TCF20: variants seen among roughly 807,000 people sequenced by gnomAD.
TCF20 encodes transcription factor 20.
A neutral mutation model predicts 148.6 loss-of-function variants in TCF20; 3 were observed. The observed-to-expected ratio is 0.02, with a 90% CI of 0.01 to 0.05. The LOEUF is 0.05. Among genes scored for constraint, TCF20 ranks in the 10% least tolerant of loss-of-function variants. The probability of loss-of-function intolerance (pLI) is 1.00; values close to 1 mark genes in which losing one functional copy is unlikely to be tolerated. For missense variants in TCF20, 2,350 were observed against 2,429.3 expected, an observed-to-expected ratio of 0.97 and a Z score of 0.69; for synonymous variants, 1,049 against 909.5, an observed-to-expected ratio of 1.15 and a Z score of -2.76.
At chr22:42,254,136 T>TGG (rs535060553) in intron 1 of TCF20, among the ~76,000 whole-genome samples, 13 of 150,978 alleles carry the variant, frequency 8.6e-5, no homozygotes, top group African/African-American at 2.9e-4. Context: ...CTTTGAGAGC[T>TGG]GGCAGCGAAA....
rs762158021 is a variant in TCF20, at chr22:42,210,728, C to T, written c.4578G>A (p.Glu1526=). 2 of 1,614,218 alleles carry T rather than the reference C, an allele frequency of 1.2e-6. No individual in the cohort carries two copies. The highest frequency in any genetic ancestry group is 1.1e-5 in the South Asian group (1 of 91,078). The change falls in exon 2 of 6, where the codon GAG becomes GAA. Residue 1526 remains glutamate (E), a synonymous_variant. Coordinates refer to ENST00000677622, the MANE Select transcript of TCF20 (RefSeq NM_001378418.1). This position sits in a 1 kb window ranked among gnomAD's most constrained non-coding sequence, Gnocchi z 4.7. The part of the protein sequence containing the change: ...NDTVTISPKQ[E]GFPPKGYFPS... ...GGAAATATCCCTTTGGAGGGAAACC[C>T]TCTTGCTTCGGTGAAATCGTCACTG...
chr22:42,210,031 C>T lies in TCF20; in HGVS notation c.5275G>A (p.Gly1759Ser). The change falls in exon 2 of 6, where the codon GGC (glycine) becomes AGC (serine). Residue 1759 changes from glycine to serine, a missense_variant. This residue lies in a region of TCF20 where 374 missense variants were observed against 398.3 expected (regional missense o/e 0.94). Transcript: ENST00000677622. The surrounding 1 kb of genome is among the most constrained non-coding windows in gnomAD (Gnocchi z 4.7). ...TCCTCCTCAGTGTCCGTCTTGGAGCCATTAGAAGCACTTTTGTGCCGTACC... is the reference window on the plus strand; with the variant it reads ...TCCTCCTCAGTGTCCGTCTTGGAGCTATTAGAAGCACTTTTGTGCCGTACC... The part of the protein sequence containing the change: ...VKVRHKSASN[G>S]SKTDTEEEEE... 3 of 1,612,888 alleles carry T rather than the reference C, an allele frequency of 1.9e-6. No homozygotes were observed. Among genetic ancestry groups the T allele is most frequent in the South Asian group, 1.1e-5 (1 of 91,074 alleles).
intron 1 of TCF20, among the ~76,000 whole-genome samples, chr22:42,261,474 A>C (rs1478471750): frequency 6.6e-6 from 1 of 151,276 alleles, no homozygotes; most frequent in Non-Finnish European, 1.5e-5. Flanking sequence ...CCTGACTCCT[A>C]CGTGTTTTGC....
intron 1 of TCF20, among the ~76,000 whole-genome samples, chr22:42,315,381 C>A (rs932222579): frequency 8.5e-5 from 13 of 152,184 alleles, no homozygotes; most frequent in South Asian, 2.1e-4. Context: ...AGAGGAAGGA[C>A]TCTCTGAAGG....
intron 1 of TCF20, among the ~76,000 whole-genome samples, chr22:42,256,855 T>A (rs943039829): frequency 1.1e-4 from 17 of 152,154 alleles, no homozygotes; most frequent in African/African-American, 2.4e-5. Context: ...AATTCTATTT[T>A]ATTGTTCTAA....
At chr22:42,253,073 A>G (rs1216790508) in intron 1 of TCF20, among the ~76,000 whole-genome samples, 1 of 152,224 alleles carries the variant, frequency 6.6e-6, no homozygotes, top group Admixed American at 6.5e-5. Flanking sequence ...GCCATAGGAA[A>G]AAAACAACAA....
intron 1 of TCF20, among the ~76,000 whole-genome samples, chr22:42,334,549 G>A (rs1319346286): frequency 6.6e-6 from 1 of 152,246 alleles, no homozygotes; most frequent in Non-Finnish European, 1.5e-5. Flanking sequence ...CAGGGAACAG[G>A]CTAGGCTGCA....
chr22:42,210,675 A>G lies in TCF20; in HGVS notation c.4631T>C (p.Ile1544Thr), dbSNP rs1920938925. ...TTTCTTTTGCTTATTCACACTACCA[A>G]TGGGTCTCCCCTTCTTCTTTCCTGA... Reference protein sequence around the residue: ...FPSGKKKGRPIGSVNKQKKQQ... With the variant: ...FPSGKKKGRPTGSVNKQKKQQ... The change falls in exon 2 of 6, where the codon ATT (isoleucine) becomes ACT (threonine). Residue 1544 changes from isoleucine (I) to threonine (T), a missense_variant. Coordinates refer to ENST00000677622, the MANE Select transcript of TCF20 (RefSeq NM_001378418.1). This position sits in a 1 kb window ranked among gnomAD's most constrained non-coding sequence, Gnocchi z 4.7. 1.2e-6 allele frequency: 2 copies of G among 1,613,982 alleles called. No homozygotes were observed. The highest frequency in any genetic ancestry group is 1.3e-5 in the African/African-American group (1 of 74,980).
chr22:42,232,279 C>A (rs765121975), intron 1 of TCF20, among the ~76,000 whole-genome samples: 1 of 152,092 alleles, frequency 6.6e-6, no homozygotes, highest in Non-Finnish European at 1.5e-5. Flanking sequence ...GATGGGCAGT[C>A]GGCTACACCC....
chr22:42,221,653 T>C (rs1031059585), intron 1 of TCF20, among the ~76,000 whole-genome samples: 26 of 151,428 alleles, frequency 1.7e-4, no homozygotes, highest in African/African-American at 6.1e-4. Context: ...TTGGATGAGA[T>C]ACTATGAAGA....
At chr22:42,192,221 T>C (rs141105664) in intron 2 of TCF20, among the ~76,000 whole-genome samples, 13 of 152,238 alleles carry the variant, frequency 8.5e-5, no homozygotes, top group Admixed American at 3.3e-4. Context: ...CATACTGAAA[T>C]GTTTACAGTT....
chr22:42,212,016 T>C lies in TCF20; in HGVS notation c.3290A>G (p.Tyr1097Cys), dbSNP rs759410932. 3.7e-6 allele frequency: 6 copies of C among 1,614,236 alleles called. No individual in the cohort carries two copies. Among genetic ancestry groups the C allele is most frequent in the East Asian group, 2.2e-5 (1 of 44,888 alleles). The change falls in exon 2 of 6, where the codon TAT becomes TGT. Residue 1097 changes from tyrosine to cysteine, a missense_variant. By Grantham distance (194) the Tyr-to-Cys change is radical (BLOSUM62 -2). Coordinates refer to ENST00000677622, the MANE Select transcript of TCF20 (RefSeq NM_001378418.1). ...AGCAGAACCGCTGCTCCAGTCTTTA[T>C]ACTCCTCTGGTTGCTGTTGGTACAT... ...RQMYQQQPEE[Y>C]KDWSSGSAQG...
At chr22:42,204,877 C>T (rs1414223876) in intron 2 of TCF20, among the ~76,000 whole-genome samples, 1 of 152,006 alleles carries the variant, frequency 6.6e-6, no homozygotes, top group Non-Finnish European at 1.5e-5. Context: ...AAAAATTAAC[C>T]TAAAACCAGT....
chr22:42,225,546 G>A (rs1023524101), intron 1 of TCF20, among the ~76,000 whole-genome samples: 13 of 150,304 alleles, frequency 8.6e-5, no homozygotes, highest in African/African-American at 2.9e-4. Flanking sequence ...CCCGGGAGGC[G>A]GAGCTTGCAG....
In TCF20 at chr22:42,212,787, G is replaced by A. The variant is rs140703466; in HGVS notation, c.2519C>T (p.Pro840Leu). 1 of 1,614,194 alleles carries A rather than the reference G, an allele frequency of 6.2e-7. No individual in the cohort carries two copies. The highest frequency in any genetic ancestry group is 8.5e-7 in the Non-Finnish European group (1 of 1,180,028). Reference protein sequence around the residue: ...EMKQINLTDYPIPRKFEIEPQ... With the variant: ...EMKQINLTDYLIPRKFEIEPQ... ...CTCTATTTCAAACTTTCTGGGAATT[G>A]GATAGTCAGTCAAATTGATCTGTTT... The change falls in exon 2 of 6, where the codon CCA becomes CTA. Residue 840 changes from proline to leucine, a missense_variant. By Grantham distance (98) the Pro-to-Leu change is moderately conservative. Around this residue, in one of 7 missense-constraint regions of TCF20, gnomAD observed 1,641 missense variants for 1,662.6 expected, o/e 0.99. Transcript: ENST00000677622.
At chr22:42,240,771 G>T (rs545223531) in intron 1 of TCF20, among the ~76,000 whole-genome samples, 1 of 152,222 alleles carries the variant, frequency 6.6e-6, no homozygotes, top group South Asian at 2.1e-4. Context: ...CATCCTAGGA[G>T]TAAGACTGAA....
At chr22:42,302,794 T>C (rs4822104) in intron 1 of TCF20, among the ~76,000 whole-genome samples, 100,508 of 152,090 alleles carry the variant, frequency 0.66, 33,858 homozygotes, top group African/African-American at 0.79. Context: ...ACAATTTCTT[T>C]ACCCAAATGT....
intron 5 of TCF20, among the ~76,000 whole-genome samples, chr22:42,161,727 T>C (rs1000032199): frequency 1.3e-5 from 2 of 152,332 alleles, no homozygotes; most frequent in Admixed American, 6.5e-5. Flanking sequence ...AGGACCCCAG[T>C]TGTGACTGAA....
At chr22:42,333,378 G>T (rs1052746441) in intron 1 of TCF20, among the ~76,000 whole-genome samples, 8 of 151,948 alleles carry the variant, frequency 5.3e-5, no homozygotes, top group Non-Finnish European at 1.2e-4. Context: ...GGTGCACCAG[G>T]GCTGTGTGTA....
Sources: gnomAD v4.1 joint callset for allele counts (sites outside exome capture counted in the v4.1 genomes callset) on GRCh38, gnomAD v4.1.1 for gene constraint, gnomAD v4.1.1 regional missense constraint, Gnocchi (gnomAD v3.1) non-coding constraint, MANE v1.5 for transcripts, NCBI Gene and HGNC (gene_info 2026-07-23, HGNC 2026-07-21) for gene names.